TOGARAM2: variants seen among roughly 807,000 people sequenced by gnomAD.
The protein encoded by TOGARAM2 is TOG array regulator of axonemal microtubules 2.
TOGARAM2 carries 85 observed loss-of-function variants against 93.3 expected under a neutral mutation model. The observed-to-expected ratio is 0.91, with a 90% CI of 0.76 to 1.09. The LOEUF (loss-of-function observed/expected upper bound fraction) is 1.09. TOGARAM2 is among the 50% of genes least tolerant of loss of function. TOGARAM2 has a pLI of 0.00. For missense variants in TOGARAM2, 1,277 were observed against 1,334.5 expected (o/e 0.96, Z 0.67); for synonymous variants, 593 against 552.8 (o/e 1.07, Z -1.02).
At position 29,017,321 on chromosome 2, in the gene TOGARAM2, G is replaced by A. The variant is rs779360500; in HGVS notation, c.1195+17G>A. 3 of 1,579,190 alleles carry A rather than the reference G, an allele frequency of 1.9e-6. No individual in the cohort carries two copies. The East Asian group carries it at 6.8e-5, about 36-fold the overall frequency. ...TGAAGGAAGGTACTGGGTGCCTGGTGTGGGATTTGCTCAGGCCTGGGGAGC... is the reference window on the plus strand; with the variant it reads ...TGAAGGAAGGTACTGGGTGCCTGGTATGGGATTTGCTCAGGCCTGGGGAGC... On this transcript the variant is annotated intron_variant, in intron 9 of 19. Coordinates refer to ENST00000379558, the MANE Select transcript of TOGARAM2 (RefSeq NM_199280.4).
At chr2:29,045,214 C>A (rs1666669683) in intron 18 of TOGARAM2, 110 bp from the exon 19 acceptor site, 1 of 796,360 alleles carries the variant, frequency 1.3e-6, no homozygotes, top group Non-Finnish European at 2.0e-6. Flanking sequence ...TTCAGCTCCC[C>A]CAAAGGCCTC....
chr2:29,013,989 G>A (rs138227187), intron 7 of TOGARAM2, among the ~76,000 whole-genome samples: 82 of 152,326 alleles, frequency 5.4e-4, no homozygotes, highest in African/African-American at 1.9e-3. Flanking sequence ...CATGCTTTCA[G>A]GCAAGCCCAT....
At chr2:29,024,516 T>A (rs17007456) in intron 13 of TOGARAM2, 142 bp downstream of exon 13, 1 of 776,052 alleles carries the variant, frequency 1.3e-6, no homozygotes, top group Non-Finnish European at 2.1e-6. Flanking sequence ...GGGGGTCCCT[T>A]GAGATGCTAG....
chr2:29,028,707 G>A (rs529904619), intron 14 of TOGARAM2, among the ~76,000 whole-genome samples: 3 of 152,290 alleles, frequency 2.0e-5, no homozygotes, highest in Admixed American at 6.5e-5. Context: ...CTGCCCCACA[G>A]TCCAGGCAAG....
chr2:28,958,040 G>C (rs548360992), intron 1 of TOGARAM2, among the ~76,000 whole-genome samples: 2 of 152,300 alleles, frequency 1.3e-5, no homozygotes, highest in African/African-American at 2.4e-5. Flanking sequence ...GATCTATTAA[G>C]AGCCAGGGAT....
intron 18 of TOGARAM2, among the ~76,000 whole-genome samples, chr2:29,042,222 T>C (rs537562334): frequency 6.6e-6 from 1 of 152,394 alleles, no homozygotes; most frequent in African/African-American, 2.4e-5. Context: ...GCCAAATGCC[T>C]GGGCATAGTG....
intron 6 of TOGARAM2, among the ~76,000 whole-genome samples, chr2:29,004,786 GTGTC>G (rs751237754): frequency 7.9e-5 from 12 of 151,660 alleles, no homozygotes; most frequent in Non-Finnish European, 1.3e-4. Context: ...GCAAGAGTAT[GTGTC>G]TGAGTGTGTC....
At chr2:28,985,247 A>G (rs4665440) in intron 1 of TOGARAM2, among the ~76,000 whole-genome samples, 25,030 of 152,032 alleles carry the variant, frequency 0.16, 2,207 homozygotes, top group South Asian at 0.24. Flanking sequence ...GCTACCTGCA[A>G]TCCAGGAAGT....
At chr2:29,046,515 A>G (rs1335744379) in intron 19 of TOGARAM2, 2 of 151,720 alleles carry the variant, frequency 1.3e-5, no homozygotes, top group Admixed American at 1.3e-4. Flanking sequence ...TCTTTGTGAG[A>G]CTCCTGAGCT....
intron 4 of TOGARAM2, among the ~76,000 whole-genome samples, chr2:29,000,761 C>T (rs1673246069): frequency 6.6e-6 from 1 of 152,078 alleles, no homozygotes; most frequent in Non-Finnish European, 1.5e-5. Context: ...TCTCCAGCTC[C>T]CGGGGAGCCC....
chr2:28,983,956 G>T (rs1290836804), intron 1 of TOGARAM2, among the ~76,000 whole-genome samples: 1 of 152,020 alleles, frequency 6.6e-6, no homozygotes, highest in African/African-American at 2.4e-5. Context: ...TCTGTTGGGT[G>T]CCTCCCTTCC....
At position 29,038,099 on chromosome 2, in the gene TOGARAM2, C is replaced by T. The variant is rs1031818943; in HGVS notation, c.2635+1342C>T. On this transcript the variant is annotated intron_variant, in intron 18 of 19. Transcript: ENST00000379558. ...AAAAATCTAGTGTCTCATACTGTCA[C>T]AAGATTCAGGTCCCTCTTATTTGGG... Among the ~76,000 whole-genome samples the T allele has an allele frequency of 5.9e-5, 9 of 152,152 alleles. No homozygotes were observed. In the South Asian group the frequency reaches 8.3e-4, roughly 14 times the overall value.
chr2:29,033,568 G>A lies in TOGARAM2; in HGVS notation c.2225+5G>A. On this transcript the variant is annotated splice_donor_5th_base_variant and intron_variant, in intron 16 of 19. Coordinates refer to ENST00000379558, the MANE Select transcript of TOGARAM2 (RefSeq NM_199280.4). ...CGGGCTGCCCATCAAGGAGGGGTAT[G>A]GCTGCTCCTGTATCTCTGGGCTTCA... 6.2e-7 allele frequency: 1 copy of A among 1,611,484 alleles called. No homozygotes were observed. The highest frequency in any genetic ancestry group is 8.5e-7 in the Non-Finnish European group (1 of 1,178,830).
intron 13 of TOGARAM2, among the ~76,000 whole-genome samples, chr2:29,026,082 C>G (rs1449068495): frequency 6.6e-6 from 1 of 152,202 alleles, no homozygotes; most frequent in Non-Finnish European, 1.5e-5. Flanking sequence ...TGTCCTTCAG[C>G]TCTAGTCCCA....
At chr2:28,979,315 C>G (rs1672080486), upstream of TOGARAM2, among the ~76,000 whole-genome samples, 1 of 152,186 alleles carries the variant, frequency 6.6e-6, no homozygotes, top group Non-Finnish European at 1.5e-5. Context: ...AGTGCGTGCT[C>G]TGTGCCTGGC....
chr2:29,045,860 C>T (rs1666712802), intron 19 of TOGARAM2: 1 of 253,882 alleles, frequency 3.9e-6, no homozygotes, highest in African/African-American at 2.3e-5. Context: ...AGATAAGGGA[C>T]ACTCAACCTG....
chr2:29,003,237 GTTT>G (rs1224363690), intron 5 of TOGARAM2, among the ~76,000 whole-genome samples: 1 of 152,228 alleles, frequency 6.6e-6, no homozygotes, highest in Non-Finnish European at 1.5e-5. Context: ...GCCCAGATGT[GTTT>G]GAAGGTCCTT....
At chr2:29,027,994 T>C (rs1267527129) in intron 14 of TOGARAM2, among the ~76,000 whole-genome samples, 4 of 152,112 alleles carry the variant, frequency 2.6e-5, no homozygotes, top group Non-Finnish European at 5.9e-5. Context: ...TGGTGTGTGA[T>C]TGGAAGTCAT....
At chr2:29,016,033 A>C (rs1384534959) in intron 8 of TOGARAM2, among the ~76,000 whole-genome samples, 3 of 152,074 alleles carry the variant, frequency 2.0e-5, no homozygotes, top group Non-Finnish European at 2.9e-5. Flanking sequence ...GCTGCTCAAT[A>C]TCTCTGCTTA....
Sources: allele counts gnomAD v4.1 joint callset (sites outside exome capture counted in the v4.1 genomes callset), GRCh38; gene constraint gnomAD v4.1.1; transcripts MANE v1.5; gene names NCBI Gene and HGNC (gene_info 2026-07-23, HGNC 2026-07-21).